Variants in TRPS1 observed in about 807,000 individuals in gnomAD.
TRPS1 encodes zinc finger transcription factor Trps1.
In TRPS1, 6 loss-of-function variants were observed where a neutral mutation model predicts 101.2. That is an observed-to-expected ratio of 0.06 (90% CI 0.03 to 0.12). TRPS1 has a LOEUF of 0.12. TRPS1 is among the 10% of genes least tolerant of loss of function. TRPS1 has a pLI of 1.00. For missense variants in TRPS1, 1,363 were observed against 1,567.0 expected (o/e 0.87, Z 2.20); for synonymous variants, 578 against 589.8 (o/e 0.98, Z 0.29).
At chr8:115,462,872 T>G (rs140142872) in intron 5 of TRPS1, among the ~76,000 whole-genome samples, 1 of 152,090 alleles carries the variant, frequency 6.6e-6, no homozygotes. Context: ...AATGGGGATA[T>G]AGCATGATGA....
Position 115,479,442 on chromosome 8 carries a change from T to C in TRPS1, c.2701-60990A>G, listed in dbSNP as rs570434760. On this transcript the variant is annotated intron_variant, in intron 5 of 6. Coordinates refer to ENST00000395715, the MANE Select transcript of TRPS1 (RefSeq NM_014112.5). The stretch of plus-strand genomic sequence containing the variant: ...TATAGTGGTTTGCACAGTGAAAAAA[T>C]AAAATAAAATGAAACAAAACTTATT... Among the ~76,000 whole-genome samples the C allele has an allele frequency of 3.7e-3, 562 of 151,918 alleles. 2 individuals carry two copies. The highest frequency in any genetic ancestry group is 5.9e-3 in the Non-Finnish European group (404 of 67,914).
rs570212563 is a variant in TRPS1, at chr8:115,439,246, T to C, written c.2701-20794A>G. 2.0e-5 allele frequency among the ~76,000 whole-genome samples: 3 copies of C among 152,298 alleles called. No individual in the cohort carries two copies. In the East Asian group the frequency reaches 5.8e-4, roughly 29 times the overall value. On this transcript the variant is annotated intron_variant, in intron 5 of 6. Transcript: ENST00000395715. ...AAGGGGCGGTATGATCTCTGCACTG[T>C]CGTTTACAGTGATGCTAAAAGGATA... is the stretch of plus-strand genomic sequence containing the variant.
At chr8:115,492,953 G>C (rs1342939330) in intron 5 of TRPS1, among the ~76,000 whole-genome samples, 1 of 152,130 alleles carries the variant, frequency 6.6e-6, no homozygotes, top group South Asian at 2.1e-4. Flanking sequence ...GACCTCAAGT[G>C]ATCTGTTCAC....
rs1227078613 is a variant in TRPS1 at position 115,469,290 on chromosome 8, T to C, written c.2701-50838A>G. On this transcript the variant is annotated intron_variant, in intron 5 of 6. Coordinates refer to ENST00000395715, the MANE Select transcript of TRPS1 (RefSeq NM_014112.5). ...TGATCTGCAATATGTTTGGCAGCAA[T>C]AGCATGAACAGATACTGTGCAAGTT... 1.3e-5 allele frequency among the ~76,000 whole-genome samples: 2 copies of C among 152,224 alleles called. 1 individual carries two copies. Among genetic ancestry groups the C allele is most frequent in the African/African-American group, 4.8e-5 (2 of 41,466 alleles).
intron 5 of TRPS1, among the ~76,000 whole-genome samples, chr8:115,556,957 C>A (rs569086241): frequency 6.6e-6 from 1 of 152,118 alleles, no homozygotes; most frequent in African/African-American, 2.4e-5. Flanking sequence ...AAAGACATAT[C>A]CAAGACTGAG....
intron 5 of TRPS1, among the ~76,000 whole-genome samples, chr8:115,571,877 T>C (rs1018293105): frequency 2.6e-5 from 4 of 152,046 alleles, no homozygotes; most frequent in East Asian, 3.8e-4. Flanking sequence ...TTTTCTTTGA[T>C]AATATGTATA....
chr8:115,563,144 A>G (rs959264883), intron 5 of TRPS1, among the ~76,000 whole-genome samples: 2 of 152,036 alleles, frequency 1.3e-5, no homozygotes, highest in African/African-American at 4.8e-5. Flanking sequence ...AAAAAAGAAA[A>G]AACGTCCCAC....
At chr8:115,545,099 C>A (rs997875925) in intron 5 of TRPS1, among the ~76,000 whole-genome samples, 4 of 152,134 alleles carry the variant, frequency 2.6e-5, no homozygotes, top group Admixed American at 6.5e-5. Flanking sequence ...TCATTTGCAG[C>A]TTTTCTAGGT....
At chr8:115,459,648 C>T (rs761885292) in intron 5 of TRPS1, among the ~76,000 whole-genome samples, 2 of 152,114 alleles carry the variant, frequency 1.3e-5, no homozygotes, top group Non-Finnish European at 2.9e-5. Context: ...GAACTGCCTG[C>T]CTGAATTTTT....
intron 5 of TRPS1, among the ~76,000 whole-genome samples, chr8:115,498,413 CTCTATATATATA>C (rs1346776479): frequency 2.8e-3 from 175 of 63,414 alleles, no homozygotes; most frequent in African/African-American, 0.013. Context: ...CTCTCTCTCT[CTCTATATATATA>C]TATATATATA....
At chr8:115,421,237 G>A (rs1207907573) in intron 5 of TRPS1, among the ~76,000 whole-genome samples, 1 of 151,788 alleles carries the variant, frequency 6.6e-6, no homozygotes, top group Non-Finnish European at 1.5e-5. Flanking sequence ...TGCCCGCCTC[G>A]GCCTCCCAAA....
intron 5 of TRPS1, among the ~76,000 whole-genome samples, chr8:115,456,930 T>C (rs1388169670): frequency 6.6e-6 from 1 of 152,126 alleles, no homozygotes; most frequent in African/African-American, 2.4e-5. Context: ...ATCTGTGCAA[T>C]CCAGCTTCCA....
chr8:115,489,583 T>C (rs553929299), intron 5 of TRPS1, among the ~76,000 whole-genome samples: 2 of 152,250 alleles, frequency 1.3e-5, no homozygotes, highest in African/African-American at 4.8e-5. Flanking sequence ...TATCAAAAGA[T>C]CATGAATTAT....
intron 5 of TRPS1, among the ~76,000 whole-genome samples, chr8:115,548,376 C>T (rs535098519): frequency 2.0e-5 from 3 of 152,104 alleles, no homozygotes; most frequent in South Asian, 4.2e-4. Flanking sequence ...CTCACTCTGT[C>T]GCCCAGGCTG....
intron 1 of TRPS1, among the ~76,000 whole-genome samples, chr8:115,646,009 CTAAATA>C (rs1318064564): frequency 6.6e-6 from 1 of 151,968 alleles, no homozygotes; most frequent in Non-Finnish European, 1.5e-5. Flanking sequence ...CGTAAATATC[CTAAATA>C]TAATTGTTAA....
chr8:115,583,592 C>T (rs1262698621), intron 5 of TRPS1, among the ~76,000 whole-genome samples: 1 of 151,916 alleles, frequency 6.6e-6, no homozygotes, highest in African/African-American at 2.4e-5. Flanking sequence ...GATTCTAAAG[C>T]CCTTAATACT....
At chr8:115,641,977 T>G (rs918574803) in intron 1 of TRPS1, among the ~76,000 whole-genome samples, 1 of 152,084 alleles carries the variant, frequency 6.6e-6, no homozygotes, top group Non-Finnish European at 1.5e-5. Flanking sequence ...TTTGGGAGAC[T>G]GAGATGGGAA....
At chr8:115,458,457 G>A (rs1306323924) in intron 5 of TRPS1, among the ~76,000 whole-genome samples, 1 of 152,194 alleles carries the variant, frequency 6.6e-6, no homozygotes, top group East Asian at 1.9e-4. Context: ...CCTGCGAGCA[G>A]CTGTGGTGTC....
intron 5 of TRPS1, among the ~76,000 whole-genome samples, chr8:115,437,039 A>G (rs769521605): frequency 3.3e-5 from 5 of 152,236 alleles, no homozygotes; most frequent in Non-Finnish European, 7.3e-5. Context: ...AGCATTGGAT[A>G]GTACTGCTGA....
Sources: gnomAD v4.1 joint callset for allele counts (sites outside exome capture counted in the v4.1 genomes callset) on GRCh38, gnomAD v4.1.1 for gene constraint, MANE v1.5 for transcripts, NCBI Gene and HGNC (gene_info 2026-07-23, HGNC 2026-07-21) for gene names.